The following GALC variants were observed in gnomAD, a reference collection of about 807,000 sequenced individuals.
The protein encoded by GALC is galactocerebrosidase.
A neutral mutation model predicts 91.8 loss-of-function variants in GALC; 77 were observed. That is an observed-to-expected ratio of 0.84 (90% CI 0.70 to 1.01). The LOEUF is 1.01. Ranked by LOEUF, GALC falls within the 50% of genes least tolerant of loss-of-function variation. The pLI is 0.00. For synonymous variants in GALC, 357 were observed against 306.7 expected (o/e 1.16, Z -1.71); for missense variants, 882 against 855.9 (o/e 1.03, Z -0.38).
chr14:87,964,408 T>A (rs1260699809), intron 9 of GALC, among the ~76,000 whole-genome samples: 1 of 152,162 alleles, frequency 6.6e-6, no homozygotes, highest in Non-Finnish European at 1.5e-5. Flanking sequence ...AATTAGCTTT[T>A]TAGAAAGATT....
chr14:87,955,509 TGTACTAA>T (rs967862727), intron 10 of GALC, among the ~76,000 whole-genome samples: 19 of 152,036 alleles, frequency 1.2e-4, no homozygotes, highest in African/African-American at 4.6e-4. Context: ...TTCCAGGCAT[TGTACTAA>T]GTATGAGGAA....
chr14:87,965,143 T>C (rs1259466946), intron 9 of GALC, among the ~76,000 whole-genome samples: 1 of 152,172 alleles, frequency 6.6e-6, no homozygotes, highest in Non-Finnish European at 1.5e-5. Context: ...CAAAATGTCT[T>C]CAAAGCTAAT....
intron 1 of GALC, among the ~76,000 whole-genome samples, chr14:87,990,649 G>A (rs914572734): frequency 6.6e-6 from 1 of 152,128 alleles, no homozygotes; most frequent in Non-Finnish European, 1.5e-5. Flanking sequence ...AATACTGTGC[G>A]TTTTGCTGTC....
intron 16 of GALC, among the ~76,000 whole-genome samples, chr14:87,936,425 T>G (rs1884569447): frequency 6.6e-6 from 1 of 152,010 alleles, no homozygotes; most frequent in South Asian, 2.1e-4. Flanking sequence ...CTATGGCTTT[T>G]TTTCTCATTA....
chr14:87,934,371 A>G lies in GALC; in HGVS notation c.*361T>C, dbSNP rs1884481042. ...GCATAAATACATCTCAGTGATGATC[A>G]AGTTACTGCCATCTACAGGACCGCT... On this transcript the variant is annotated 3_prime_UTR_variant, in exon 17 of 17. Transcript: ENST00000261304. 3 of 1,265,696 alleles carry G rather than the reference A, an allele frequency of 2.4e-6. No individual in the cohort carries two copies. The highest frequency in any genetic ancestry group is 3.0e-6 in the Non-Finnish European group (3 of 997,232). 78.4% of individuals were successfully genotyped at this position (1,265,696 alleles called of 1,614,324 possible).
In GALC at chr14:87,934,429, T is replaced by C; in HGVS notation, c.*303A>G. 7.7e-7 allele frequency: 1 copy of C among 1,302,284 alleles called. No homozygotes were observed. Among genetic ancestry groups the C allele is most frequent in the Non-Finnish European group, 9.8e-7 (1 of 1,019,202 alleles). The allele number at this position is 1,302,284 out of a possible 1,614,324, so 80.7% of individuals were successfully genotyped here. A position where few individuals can be genotyped will look rare whatever the true frequency, so the allele number is the denominator to read the frequency against. ...AAGATGAAGAGAGCTACCTCAGTGT[T>C]AGCAGCAAGGCTTCGAGGTCTGTAC... On this transcript the variant is annotated 3_prime_UTR_variant, in exon 17 of 17. Transcript: ENST00000261304.
intron 10 of GALC, among the ~76,000 whole-genome samples, chr14:87,961,568 C>A (rs1036465495): frequency 2.6e-5 from 4 of 152,174 alleles, no homozygotes; most frequent in African/African-American, 9.6e-5. Context: ...ACACTCCCCG[C>A]AAATATTTTA....
At chr14:87,950,416 A>C (rs1001298389) in intron 11 of GALC, among the ~76,000 whole-genome samples, 1 of 151,920 alleles carries the variant, frequency 6.6e-6, no homozygotes, top group African/African-American at 2.4e-5. Flanking sequence ...CACCAAGAAC[A>C]ACTTTCTTGC....
chr14:87,979,319 G>T (rs1567004306), intron 6 of GALC, among the ~76,000 whole-genome samples: 1 of 152,180 alleles, frequency 6.6e-6, no homozygotes, highest in African/African-American at 2.4e-5. Context: ...GAGCCACTGA[G>T]CCTGGCCTGC....
chr14:87,992,707 A>G, intron 1 of GALC: 2 of 1,429,824 alleles, frequency 1.4e-6, no homozygotes, highest in Non-Finnish European at 1.8e-6. Flanking sequence ...CTGTCACTTT[A>G]CTCTCTGCAC....
intron 3 of GALC, chr14:87,987,051 A>G (rs1031421417): frequency 2.6e-5 from 12 of 455,430 alleles, no homozygotes; most frequent in African/African-American, 1.6e-4. Context: ...TTAGCCTATA[A>G]TATGTCTTGA....
At chr14:87,982,127 A>T in intron 6 of GALC, 78 bp downstream of exon 6, 1 of 755,602 alleles carries the variant, frequency 1.3e-6, no homozygotes, top group Non-Finnish European at 2.2e-6. Context: ...CAAATTTCCT[A>T]CTATTTTCTG....
chr14:87,938,565 A>C (rs1305528479), intron 16 of GALC, among the ~76,000 whole-genome samples: 1 of 152,024 alleles, frequency 6.6e-6, no homozygotes, highest in Non-Finnish European at 1.5e-5. Context: ...TTATGGGCAA[A>C]AGGATAGTCC....
chr14:87,969,687 C>T (rs988499079), intron 7 of GALC, among the ~76,000 whole-genome samples: 7 of 152,158 alleles, frequency 4.6e-5, no homozygotes, highest in African/African-American at 1.7e-4. Context: ...GTATTTATAA[C>T]ATCAAAAGAA....
intron 3 of GALC, chr14:87,987,675 T>C (rs534178515): frequency 8.6e-5 from 14 of 163,152 alleles, no homozygotes; most frequent in African/African-American, 3.4e-4. Flanking sequence ...ATGGACTACA[T>C]AAAGCCAATC....
Position 87,976,421 on chromosome 14 carries a change from CAGAGATTATCACTT to C in GALC, c.675_688del (p.Ser226GlyfsTer10). The C allele has an allele frequency of 6.2e-7, 1 of 1,613,620 alleles. No homozygotes were observed. Among genetic ancestry groups the C allele is most frequent in the Non-Finnish European group, 8.5e-7 (1 of 1,179,558 alleles). ...GAGCATGGATGCAGAGATGGACTCC[CAGAGATTATCACTT>C]GCTATGATTTTCACTCGCTGGAGAC... On this transcript the variant is annotated frameshift_variant, in exon 7 of 17. Transcript: ENST00000261304. LOFTEE classifies it high-confidence loss of function.
chr14:87,954,892 G>A lies in GALC; in HGVS notation c.1162-4144C>T, dbSNP rs527947948. On this transcript the variant is annotated intron_variant, in intron 10 of 16. Coordinates refer to ENST00000261304, the MANE Select transcript of GALC (RefSeq NM_000153.4). ...TATGAAGAAAATATACTATAGGCCA[G>A]CTTTAATGACTGTAGTTGATGGAAG... 149 of 1,584,514 alleles carry A rather than the reference G, an allele frequency of 9.4e-5. 1 individual carries two copies. In the East Asian group the frequency reaches 3.3e-3, roughly 35 times the overall value.
chr14:87,965,576 C>G lies in GALC; in HGVS notation c.962G>C (p.Arg321Thr), dbSNP rs1461835564. The G allele has an allele frequency of 6.2e-7, 1 of 1,613,476 alleles. No homozygotes were observed. Among genetic ancestry groups the G allele is most frequent in the Admixed American group, 1.7e-5 (1 of 59,934 alleles). The stretch of plus-strand genomic sequence containing the variant: ...CTCCTGGGCCGTCATCAACCCGCAT[C>G]TCCCATAAGGCAACTGTTCATAGTA... The part of the protein sequence containing the change: ...ASYYEQLPYG[R>T]CGLMTAQEPW... The change falls in exon 9 of 17, where the codon AGA becomes ACA. Residue 321 changes from arginine to threonine, a missense_variant. By Grantham distance (71) the Arg-to-Thr change is moderately conservative. Coordinates refer to ENST00000261304, the MANE Select transcript of GALC (RefSeq NM_000153.4).
rs1441671844 is a variant in GALC at position 87,933,511 on chromosome 14, A to C, written c.*1221T>G. 6.6e-6 allele frequency: 1 copy of C among 151,340 alleles called. No individual in the cohort carries two copies. The highest frequency in any genetic ancestry group is 1.5e-5 in the Non-Finnish European group (1 of 68,070). 9.4% of individuals were successfully genotyped at this position (151,340 alleles called of 1,614,324 possible). On this transcript the variant is annotated 3_prime_UTR_variant, in exon 17 of 17. Transcript: ENST00000261304. ...GGAAATCACTTGGTTTTAACAAAAAATTTTCTCTGTAATCTTATTTATTCT... is the reference window on the plus strand; with the variant it reads ...GGAAATCACTTGGTTTTAACAAAAACTTTTCTCTGTAATCTTATTTATTCT...
Sources: allele counts gnomAD v4.1 joint callset (sites outside exome capture counted in the v4.1 genomes callset), GRCh38; gene constraint gnomAD v4.1.1; transcripts MANE v1.5; gene names NCBI Gene and HGNC (gene_info 2026-07-23, HGNC 2026-07-21).